Variants in GLS observed in about 807,000 individuals in gnomAD.
GLS encodes the protein glutaminase.
A neutral mutation model predicts 86.7 loss-of-function variants in GLS; 36 were observed. The ratio of observed to expected loss-of-function variants is 0.42; its 90% CI spans 0.32 to 0.55. The LOEUF (loss-of-function observed/expected upper bound fraction) is 0.55. Ranked by LOEUF, GLS falls within the 20% of genes least tolerant of loss-of-function variation. GLS has a pLI of 0.17. For missense variants in GLS, 528 were observed against 833.4 expected, an observed-to-expected ratio of 0.63 and a Z score of 4.51; for synonymous variants, 317 against 305.9, an observed-to-expected ratio of 1.04 and a Z score of -0.38.
At chr2:190,939,372 A>G (rs1465542554) in intron 14 of GLS, among the ~76,000 whole-genome samples, 1 of 151,698 alleles carries the variant, frequency 6.6e-6, no homozygotes, top group Non-Finnish European at 1.5e-5. Flanking sequence ...AAAATATTAT[A>G]GTATTGGTTT....
chr2:190,896,157 C>G (rs1039823150), intron 3 of GLS: 5 of 152,660 alleles, frequency 3.3e-5, no homozygotes, highest in African/African-American at 1.2e-4. Context: ...CATTTACATA[C>G]CTGCATTGTC....
At chr2:190,898,370 A>T (rs1044479945) in intron 3 of GLS, among the ~76,000 whole-genome samples, 2 of 152,238 alleles carry the variant, frequency 1.3e-5, no homozygotes, top group African/African-American at 4.8e-5. Flanking sequence ...GCTGAAAAGC[A>T]TAAGCACCTC....
In GLS at chr2:190,964,683, T is replaced by C. The variant is rs1691083002; in HGVS notation, c.*1697T>C. 1 of 152,148 alleles carries C rather than the reference T, an allele frequency of 6.6e-6. No homozygotes were observed. The highest frequency in any genetic ancestry group is 2.4e-5 in the African/African-American group (1 of 41,448). 9.4% of individuals were successfully genotyped at this position (152,148 alleles called of 1,614,324 possible). A position where few individuals can be genotyped will look rare whatever the true frequency, so the allele number is the denominator to read the frequency against. The stretch of plus-strand genomic sequence containing the variant: ...GGAGGATGCTGAGTGAGCAGTTTCC[T>C]ACCCCGTGGATCTAGCAAGCCATGG... On this transcript the variant is annotated 3_prime_UTR_variant, in exon 18 of 18. Transcript: ENST00000320717. This position sits in a 1 kb window ranked among gnomAD's most constrained non-coding sequence, Gnocchi z 5.2.
At position 190,890,780 on chromosome 2, in the gene GLS, T is replaced by C. The variant is rs181602103; in HGVS notation, c.387-4372T>C. Among the ~76,000 whole-genome samples the C allele has an allele frequency of 7.5e-4, 114 of 152,296 alleles. 2 individuals are homozygous for C. In the East Asian group the frequency reaches 0.011, roughly 15 times the overall value. On this transcript the variant is annotated intron_variant, in intron 1 of 17. Transcript: ENST00000320717. ...ATAAAGACTAGCAAATCCTTTTGTA[T>C]TGTGTTATTATTAGGCCTCATTTTT... is the stretch of plus-strand genomic sequence containing the variant.
In GLS at chr2:190,901,934, A is replaced by T. The variant is rs1309274522; in HGVS notation, c.736-13A>T. On this transcript the variant is annotated splice_polypyrimidine_tract_variant and intron_variant, in intron 4 of 17. Coordinates refer to ENST00000320717, the MANE Select transcript of GLS (RefSeq NM_014905.5). ...TATTATATCTATTCATTTCTTTCCA[A>T]TCTTTTGGATAGGTTGCAGATTATA... 6.5e-7 allele frequency: 1 copy of T among 1,529,026 alleles called. No homozygotes were observed. Among genetic ancestry groups the T allele is most frequent in the Non-Finnish European group, 9.1e-7 (1 of 1,102,896 alleles). The allele number at this position is 1,529,026 out of a possible 1,614,324, so 94.7% of individuals were successfully genotyped here.
chr2:190,918,364 T>G (rs1395592462), intron 7 of GLS, among the ~76,000 whole-genome samples: 1 of 152,184 alleles, frequency 6.6e-6, no homozygotes, highest in African/African-American at 2.4e-5. Context: ...GCTTCTTTCC[T>G]TAAACCTCAT....
In GLS at chr2:190,881,118, GA is replaced by G; in HGVS notation, c.35del (p.Asp12AlafsTer10). 6.4e-7 allele frequency: 1 copy of G among 1,561,498 alleles called. No individual in the cohort carries two copies. The highest frequency in any genetic ancestry group is 8.6e-7 in the Non-Finnish European group (1 of 1,162,088). ...MRLRGSGMLR[D>X]LLLRSPAGVS... ...GCTGCGAGGCTCGGGGATGCTGCGG[GA>G]CCTGCTCCTGCGGTCGCCCGCCGGC... On this transcript the variant is annotated frameshift_variant, in exon 1 of 18. Coordinates refer to ENST00000320717, the MANE Select transcript of GLS (RefSeq NM_014905.5). LOFTEE classifies it high-confidence loss of function.
rs1689751087 is a variant in GLS at position 190,921,941 on chromosome 2, C to T, written c.1130+738C>T. Reference sequence around the variant, plus strand: ...CAAGGTTCTTACATTGTATTTATTACGATGTCTGTTTTGTCTCTTTACTTA... The same window carrying T: ...CAAGGTTCTTACATTGTATTTATTATGATGTCTGTTTTGTCTCTTTACTTA... On this transcript the variant is annotated intron_variant, in intron 9 of 17. Transcript: ENST00000320717. The surrounding 1 kb of genome is among the most constrained non-coding windows in gnomAD (Gnocchi z 4.2). Among the ~76,000 whole-genome samples, 1 of 152,030 alleles carries T rather than the reference C, an allele frequency of 6.6e-6. No individual in the cohort carries two copies. Among genetic ancestry groups the T allele is most frequent in the Non-Finnish European group, 1.5e-5 (1 of 67,932 alleles).
chr2:190,893,031 A>G lies in GLS; in HGVS notation c.387-2121A>G, dbSNP rs190785578. Among the ~76,000 whole-genome samples the G allele has an allele frequency of 2.5e-3, 379 of 152,282 alleles. 10 individuals are homozygous for G. The highest frequency in any genetic ancestry group is 1.2e-3 in the East Asian group (6 of 5,188). Reference sequence around the variant, plus strand: ...TGTGTGATAAATACATAGAAAGCTTATTCTGCAGTTTTTTAAAGTGACAAA... The same window carrying G: ...TGTGTGATAAATACATAGAAAGCTTGTTCTGCAGTTTTTTAAAGTGACAAA... On this transcript the variant is annotated intron_variant, in intron 1 of 17. Transcript: ENST00000320717.
At position 190,886,995 on chromosome 2, in the gene GLS, A is replaced by G. The variant is rs190050673; in HGVS notation, c.386+5525A>G. Among the ~76,000 whole-genome samples the G allele has an allele frequency of 3.0e-3, 454 of 152,200 alleles. 8 individuals carry two copies. The highest frequency in any genetic ancestry group is 0.01 in the African/African-American group (424 of 41,542). On this transcript the variant is annotated intron_variant, in intron 1 of 17. Coordinates refer to ENST00000320717, the MANE Select transcript of GLS (RefSeq NM_014905.5). ...GTGATATTTGAAATGAAGAAAAATT[A>G]TGACCATATAAGCTGAAAGCCTAAT...
At chr2:190,906,109 G>T (rs2124854846) in intron 6 of GLS, among the ~76,000 whole-genome samples, 1 of 152,064 alleles carries the variant, frequency 6.6e-6, no homozygotes, top group South Asian at 2.1e-4. Flanking sequence ...TTATTCTGAT[G>T]CTACGTTTGG....
intron 1 of GLS, among the ~76,000 whole-genome samples, chr2:190,887,955 A>T (rs1319194416): frequency 6.6e-6 from 1 of 152,210 alleles, no homozygotes; most frequent in Non-Finnish European, 1.5e-5. Context: ...CAAGCTATTT[A>T]AAAAGCTCAG....
chr2:190,946,505 C>CT (rs1416411698), intron 14 of GLS, among the ~76,000 whole-genome samples: 143 of 147,828 alleles, frequency 9.7e-4, no homozygotes, highest in African/African-American at 2.2e-3. Context: ...CAGTTACCTG[C>CT]TTTTTTTTTT....
At chr2:190,904,151 T>A (rs1689049198) in intron 5 of GLS, among the ~76,000 whole-genome samples, 2 of 152,134 alleles carry the variant, frequency 1.3e-5, no homozygotes, top group South Asian at 4.1e-4. Flanking sequence ...ATGCTTTTTT[T>A]TTTAATGGGG....
intron 1 of GLS, among the ~76,000 whole-genome samples, chr2:190,888,333 A>T (rs1462335916): frequency 6.6e-6 from 1 of 152,196 alleles, no homozygotes; most frequent in African/African-American, 2.4e-5. Context: ...AAACTTTAAA[A>T]ATTTAAAACT....
Position 190,947,378 on chromosome 2 carries a change from A to G in GLS, c.1651-6187A>G, listed in dbSNP as rs1170805223. The stretch of plus-strand genomic sequence containing the variant: ...TCCCACTGTTGTCATGACTTTGTAC[A>G]AATAAACTAAGATAAGATTGTCTGG... On this transcript the variant is annotated intron_variant, in intron 14 of 17. Transcript: ENST00000320717. The surrounding 1 kb of genome is among the most constrained non-coding windows in gnomAD (Gnocchi z 5.0). Among the ~76,000 whole-genome samples, 1 of 152,218 alleles carries G rather than the reference A, an allele frequency of 6.6e-6. No homozygotes were observed. The highest frequency in any genetic ancestry group is 1.5e-5 in the Non-Finnish European group (1 of 68,034).
At chr2:190,934,408 A>G (rs1227631349) in intron 14 of GLS, 3 of 947,812 alleles carry the variant, frequency 3.2e-6, no homozygotes, top group South Asian at 4.9e-5. Flanking sequence ...ATATTTAAAT[A>G]ATTATATTTT....
chr2:190,933,181 CAG>C (rs1690164558), intron 14 of GLS: 3 of 843,232 alleles, frequency 3.6e-6, no homozygotes, highest in South Asian at 1.1e-4. Context: ...ACAATAGTAA[CAG>C]AAAATTGTAA....
chr2:190,931,040 T>A (rs1259172881), intron 13 of GLS, among the ~76,000 whole-genome samples: 3 of 152,204 alleles, frequency 2.0e-5, no homozygotes, highest in Non-Finnish European at 4.4e-5. Context: ...GTTCTGTATT[T>A]TGTTGTTACC....
Sources: gnomAD v4.1 joint callset for allele counts (sites outside exome capture counted in the v4.1 genomes callset) on GRCh38, gnomAD v4.1.1 for gene constraint, Gnocchi (gnomAD v3.1) non-coding constraint, MANE v1.5 for transcripts, NCBI Gene and HGNC (gene_info 2026-07-23, HGNC 2026-07-21) for gene names.